Variants in GIT2 observed in about 807,000 individuals in gnomAD.
GIT2 encodes GIT ArfGAP 2.
A neutral mutation model predicts 100.3 loss-of-function variants in GIT2; 32 were observed. The observed-to-expected ratio is 0.32, with a 90% CI of 0.24 to 0.43. The LOEUF is 0.43. GIT2 is among the 20% of genes least tolerant of loss of function. The pLI is 1.00. For synonymous variants in GIT2, 353 were observed against 364.1 expected (o/e 0.97, Z 0.35); for missense variants, 737 against 975.1 (o/e 0.76, Z 3.25).
At chr12:109,969,453 C>T (rs936335350) in intron 7 of GIT2, among the ~76,000 whole-genome samples, 1 of 152,136 alleles carries the variant, frequency 6.6e-6, no homozygotes, top group African/African-American at 2.4e-5. Flanking sequence ...AGGTGTGAGC[C>T]ACTGCACCTG....
At position 109,951,156 on chromosome 12, in the gene GIT2, T is replaced by C; in HGVS notation, c.1392+11A>G. On this transcript the variant is annotated intron_variant, in intron 14 of 19. Transcript: ENST00000355312. Reference sequence around the variant, plus strand: ...AAGCGTCAACCGTCCTGGCATTTATTAACATGTTACCTTTTTCTGCATAAT... The same window carrying C: ...AAGCGTCAACCGTCCTGGCATTTATCAACATGTTACCTTTTTCTGCATAAT... The C allele has an allele frequency of 6.2e-7, 1 of 1,610,620 alleles. No homozygotes were observed. Among genetic ancestry groups the C allele is most frequent in the Non-Finnish European group, 8.5e-7 (1 of 1,176,812 alleles).
chr12:109,975,845 C>T (rs886293545), intron 7 of GIT2, among the ~76,000 whole-genome samples: 26 of 149,166 alleles, frequency 1.7e-4, no homozygotes, highest in South Asian at 2.1e-4. Context: ...GATCTCGGCT[C>T]ACTGCAACCT....
intron 12 of GIT2, 94 bp downstream of exon 12, chr12:109,959,753 T>C: frequency 1.3e-6 from 1 of 742,496 alleles, no homozygotes; most frequent in East Asian, 2.6e-5. Flanking sequence ...AGAACTGTCA[T>C]GTTGATGACT....
chr12:109,959,413 A>G (rs1880459415), intron 12 of GIT2, among the ~76,000 whole-genome samples: 1 of 152,174 alleles, frequency 6.6e-6, no homozygotes, highest in Non-Finnish European at 1.5e-5. Context: ...TCTAAGCCAG[A>G]GTTTTGGGTT....
rs1165460255 is a variant in GIT2 at position 109,929,929 on chromosome 12, A to C, written c.*3049T>G. The C allele has an allele frequency of 6.6e-6, 1 of 152,634 alleles. No individual in the cohort carries two copies. The highest frequency in any genetic ancestry group is 2.4e-5 in the African/African-American group (1 of 41,474). The allele number at this position is 152,634 out of a possible 1,614,324, so 9.5% of individuals were successfully genotyped here. On this transcript the variant is annotated 3_prime_UTR_variant, in exon 20 of 20. Transcript: ENST00000355312. The stretch of plus-strand genomic sequence containing the variant: ...TAAAAAGTACAGAATAATGAGTGAC[A>C]GGGATCAAACACGTTGGAATAAAAG...
At chr12:109,952,676 A>C (rs1593001866) in intron 13 of GIT2, 1 of 507,330 alleles carries the variant, frequency 2.0e-6, no homozygotes. Flanking sequence ...ACACAGCCCC[A>C]CCTGATGCTC....
chr12:109,961,232 T>C, intron 11 of GIT2, 46 bp downstream of exon 11: 1 of 1,025,922 alleles, frequency 9.7e-7, no homozygotes, highest in South Asian at 1.3e-5. Flanking sequence ...AAACATGACA[T>C]CAGCCATTCC....
rs979132771 is a variant in GIT2, at chr12:109,996,164, G to C, written c.52+9C>G. ...GCAGAGGGGAGCGGGCCCGGCCGGTGCGACTCACCCGGCCCGCTGCAGTCA... is the reference window on the plus strand; with the variant it reads ...GCAGAGGGGAGCGGGCCCGGCCGGTCCGACTCACCCGGCCCGCTGCAGTCA... On this transcript the variant is annotated intron_variant, in intron 1 of 19. Transcript: ENST00000355312. 4.6e-6 allele frequency: 7 copies of C among 1,506,642 alleles called. No homozygotes were observed. The highest frequency in any genetic ancestry group is 6.2e-6 in the Non-Finnish European group (7 of 1,121,986). 93.3% of individuals were successfully genotyped at this position (1,506,642 alleles called of 1,614,324 possible). A position where few individuals can be genotyped will look rare whatever the true frequency, so the allele number is the denominator to read the frequency against.
intron 1 of GIT2, among the ~76,000 whole-genome samples, chr12:109,993,695 A>G (rs1455256295): frequency 6.6e-6 from 1 of 152,204 alleles, no homozygotes; most frequent in Non-Finnish European, 1.5e-5. Context: ...CAGTATTCAG[A>G]TATTTTCTAG....
chr12:109,979,197 G>A (rs934673502), intron 7 of GIT2, among the ~76,000 whole-genome samples: 3 of 150,818 alleles, frequency 2.0e-5, no homozygotes, highest in Non-Finnish European at 3.0e-5. Context: ...GGAGGAGGAG[G>A]AAAAAACCCC....
chr12:109,938,386 T>G lies in GIT2; in HGVS notation c.1997A>C (p.His666Pro). The G allele has an allele frequency of 6.2e-7, 1 of 1,610,994 alleles. No individual in the cohort carries two copies. The highest frequency in any genetic ancestry group is 8.5e-7 in the Non-Finnish European group (1 of 1,177,816). ...GGTCTTCAATCCTGCTTACCTGTCA[T>G]GTTTATTTTCTTGGGCTGCTCTTAA... is the stretch of plus-strand genomic sequence containing the variant. ...ELLRAAQENKHDSYIPCSERI... is the reference protein window; with the variant it reads ...ELLRAAQENKPDSYIPCSERI... Residue 666 changes from histidine to proline, a missense_variant, in exon 18 of 20, where the codon CAT (histidine) becomes CCT (proline). Physicochemically the swap from His to Pro is moderately conservative, Grantham distance 77. This residue lies in a region of GIT2 where 451 missense variants were observed against 543.7 expected (regional missense o/e 0.83). Coordinates refer to ENST00000355312, the MANE Select transcript of GIT2 (RefSeq NM_057169.5).
At chr12:109,977,612 G>A (rs1041861364) in intron 7 of GIT2, among the ~76,000 whole-genome samples, 3 of 150,132 alleles carry the variant, frequency 2.0e-5, no homozygotes, top group African/African-American at 4.9e-5. Flanking sequence ...TCACGAGGTC[G>A]GGAGTTCGAG....
At chr12:109,966,583 A>G (rs1379518815) in intron 8 of GIT2, among the ~76,000 whole-genome samples, 2 of 151,026 alleles carry the variant, frequency 1.3e-5, no homozygotes, top group East Asian at 2.0e-4. Context: ...AGGCCAGGGC[A>G]GGTGGATTGC....
At chr12:109,942,476 G>A (rs562668828) in intron 16 of GIT2, among the ~76,000 whole-genome samples, 1 of 152,198 alleles carries the variant, frequency 6.6e-6, no homozygotes, top group African/African-American at 2.4e-5. Context: ...TGGGACTACA[G>A]GCACCCACCG....
At chr12:109,939,132 C>T (rs749093310) in intron 17 of GIT2, 33 bp downstream of exon 17, 81 of 1,375,414 alleles carry the variant, frequency 5.9e-5, no homozygotes, top group Non-Finnish European at 1.0e-6. Context: ...CCTGGGGAGC[C>T]CCTCCCCTGG....
chr12:109,994,982 G>A (rs565778863), intron 1 of GIT2, among the ~76,000 whole-genome samples: 4 of 152,138 alleles, frequency 2.6e-5, no homozygotes, highest in Non-Finnish European at 5.9e-5. Flanking sequence ...AACCACATGA[G>A]GTTTGAGTTA....
Position 109,932,264 on chromosome 12 carries a change from G to GA in GIT2, c.*713_*714insT, listed in dbSNP as rs1250194870. ...TGCGTGGAGCTCCTACCCTGAACAT[G>GA]GCTTCATGAGATGTCCTGTGGTGGG... On this transcript the variant is annotated 3_prime_UTR_variant, in exon 20 of 20. Coordinates refer to ENST00000355312, the MANE Select transcript of GIT2 (RefSeq NM_057169.5). 1 of 152,216 alleles carries GA rather than the reference G, an allele frequency of 6.6e-6. No homozygotes were observed. Among genetic ancestry groups the GA allele is most frequent in the African/African-American group, 2.4e-5 (1 of 41,440 alleles). 9.4% of individuals were successfully genotyped at this position (152,216 alleles called of 1,614,324 possible). A position where few individuals can be genotyped will look rare whatever the true frequency, so the allele number is the denominator to read the frequency against.
intron 16 of GIT2, chr12:109,940,134 G>A (rs1874269347): frequency 6.6e-6 from 1 of 152,208 alleles, no homozygotes; most frequent in South Asian, 2.1e-4. Flanking sequence ...TGGTGCAACT[G>A]TGGTGATCAA....
In GIT2 at chr12:109,961,381, C is replaced by CA; in HGVS notation, c.890-7dup. On this transcript the variant is annotated splice_polypyrimidine_tract_variant and splice_region_variant and intron_variant, in intron 10 of 19. Transcript: ENST00000355312. ...GTTTTGCGTGGCAAGCCAGACTAGT[C>CA]AGAGGAAAGAGCCAGAGACAAACCT... 1 of 1,582,882 alleles carries CA rather than the reference C, an allele frequency of 6.3e-7. No individual in the cohort carries two copies. Among genetic ancestry groups the CA allele is most frequent in the Non-Finnish European group, 8.7e-7 (1 of 1,151,554 alleles).
Sources: gnomAD v4.1 joint callset for allele counts (sites outside exome capture counted in the v4.1 genomes callset) on GRCh38, gnomAD v4.1.1 for gene constraint, gnomAD v4.1.1 regional missense constraint, MANE v1.5 for transcripts, NCBI Gene and HGNC (gene_info 2026-07-23, HGNC 2026-07-21) for gene names.